DUX4: variants seen among roughly 807,000 people sequenced by gnomAD.
The protein encoded by DUX4 is double homeobox protein 4.
At chr4:190,175,874 C>T (rs1742281155), downstream of DUX4, 2 of 138,070 alleles carry the variant, frequency 1.4e-5, no homozygotes, top group African/African-American at 5.2e-5. Context: ...GTGATGAGTG[C>T]AGAGATATGT....
chr4:190,179,613 C>T (rs1579835782), downstream of DUX4, among the ~76,000 whole-genome samples: 35 of 151,294 alleles, frequency 2.3e-4, no homozygotes, highest in Admixed American at 3.3e-4. Flanking sequence ...AAAGTTACAG[C>T]ACCTGGGAGA....
downstream of DUX4, among the ~76,000 whole-genome samples, chr4:190,179,793 G>GCCGATATGTCAACATTCCTCTGTAGGC (rs1241531167): frequency 6.8e-6 from 1 of 147,262 alleles, no homozygotes; most frequent in East Asian, 2.1e-4. Flanking sequence ...GCCCCTGTAG[G>GCCGATATGTCAACATTCCTCTGTAGGC]CAAGCCTACA....
chr4:190,175,893 C>G (rs1289037449), downstream of DUX4: 1 of 130,038 alleles, frequency 7.7e-6, no homozygotes, highest in Non-Finnish European at 1.6e-5. Context: ...GTCACAATAT[C>G]CCCTGTAGAA....
chr4:190,178,441 A>AGGC (rs1742425647), downstream of DUX4, among the ~76,000 whole-genome samples: 1 of 66,158 alleles, frequency 1.5e-5, no homozygotes, highest in Non-Finnish European at 3.7e-5. Context: ...GGCAGAGCTT[A>AGGC]GACAAGAGTT....
Position 190,175,775 on chromosome 4 carries a change from A to T in DUX4, c.*365A>T, listed in dbSNP as rs1742273101. On this transcript the variant is annotated 3_prime_UTR_variant, in exon 2 of 2. Coordinates refer to ENST00000565211, the MANE Select transcript of DUX4 (RefSeq NM_001306068.3). Reference sequence around the variant, plus strand: ...TCCGACGCTGTCTAGGCAAACCTGGATTAGAGTTACATCTCCTGGATGATT... The same window carrying T: ...TCCGACGCTGTCTAGGCAAACCTGGTTTAGAGTTACATCTCCTGGATGATT... 6.5e-6 allele frequency: 1 copy of T among 152,912 alleles called. No individual in the cohort carries two copies. The highest frequency in any genetic ancestry group is 2.7e-5 in the African/African-American group (1 of 37,184). The allele number at this position is 152,912 out of a possible 1,614,324, so 9.5% of individuals were successfully genotyped here.
chr4:190,177,095 T>G, downstream of DUX4, among the ~76,000 whole-genome samples: 1 of 152,180 alleles, frequency 6.6e-6, no homozygotes, highest in African/African-American at 2.4e-5. Context: ...ATCACCTGGG[T>G]GATCAGTGCA....
chr4:190,177,187 A>AGCGCCCCTGTAGGCAGAACCTAG (rs1579832519), downstream of DUX4, among the ~76,000 whole-genome samples: 1 of 151,736 alleles, frequency 6.6e-6, no homozygotes, highest in Non-Finnish European at 1.5e-5. Context: ...GCTATGTCAA[A>AGCGCCCCTGTAGGCAGAACCTAG]ACGCCCCTGT....
At chr4:190,176,278 G>A (rs1243588131), downstream of DUX4, among the ~76,000 whole-genome samples, 3 of 112,236 alleles carry the variant, frequency 2.7e-5, no homozygotes, top group African/African-American at 7.9e-5. Flanking sequence ...TCCTGAGTGA[G>A]CATTGGAGAG....
At chr4:190,177,959 T>TATACAAC (rs1742396491), downstream of DUX4, among the ~76,000 whole-genome samples, 1 of 151,722 alleles carries the variant, frequency 6.6e-6, no homozygotes. Context: ...AGGCAGAGCC[T>TATACAAC]AGACAAGAGT....
chr4:190,183,924 T>G (rs1158157435), intron 1 of DUX4, among the ~76,000 whole-genome samples: 2 of 119,796 alleles, frequency 1.7e-5, no homozygotes, highest in Non-Finnish European at 3.9e-5. Flanking sequence ...CACTCAAGCT[T>G]AGGCAGATTT....
chr4:190,178,557 ACGCC>A (rs1579834379), downstream of DUX4, among the ~76,000 whole-genome samples: 3 of 151,442 alleles, frequency 2.0e-5, no homozygotes, highest in Admixed American at 6.6e-5. Context: ...ATATTTCACA[ACGCC>A]CCCTGTAGGC....
downstream of DUX4, among the ~76,000 whole-genome samples, chr4:190,176,926 A>C: frequency 7.7e-6 from 1 of 129,500 alleles, no homozygotes; most frequent in Admixed American, 8.9e-5. Context: ...ATCCCTGTAG[A>C]CAGAGCCTAG....
chr4:190,177,189 C>CACCCCTGTAGGCAGA (rs1742349628), downstream of DUX4, among the ~76,000 whole-genome samples: 1 of 57,980 alleles, frequency 1.7e-5, no homozygotes. Context: ...TATGTCAAAA[C>CACCCCTGTAGGCAGA]GCCCCTGTAG....
intron 1 of DUX4, chr4:190,182,060 C>G (rs1218980890): frequency 8.6e-6 from 1 of 116,576 alleles, no homozygotes; most frequent in Non-Finnish European, 2.0e-5. Context: ...AGAGCCTAGA[C>G]AAGAGTTCCA....
downstream of DUX4, among the ~76,000 whole-genome samples, chr4:190,178,430 AG>A (rs1742424330): frequency 2.7e-5 from 4 of 149,002 alleles, no homozygotes; most frequent in African/African-American, 2.4e-5. Context: ...ACGCCCCTGT[AG>A]GCAGAGCTTA....
chr4:190,177,445 G>GGAGATATCTGTAA (rs1742367689), downstream of DUX4, among the ~76,000 whole-genome samples: 2 of 151,492 alleles, frequency 1.3e-5, no homozygotes, highest in Non-Finnish European at 3.0e-5. Context: ...GGTGATCAGT[G>GGAGATATCTGTAA]CAAAGATATG....
chr4:190,178,229 GA>G (rs1742411780), downstream of DUX4, among the ~76,000 whole-genome samples: 8 of 134,810 alleles, frequency 5.9e-5, no homozygotes, highest in East Asian at 7.8e-4. Flanking sequence ...CCTGTAGGCA[GA>G]GCATAGAGAA....
chr4:190,182,387 TGGTTAGGGTTAGG>T (rs1399466646), intron 1 of DUX4, among the ~76,000 whole-genome samples: 4 of 34,398 alleles, frequency 1.2e-4, no homozygotes, highest in Admixed American at 4.6e-4. Flanking sequence ...TTAGGGTTAC[TGGTTAGGGTTAGG>T]GGTTAGGGTT....
intron 1 of DUX4, among the ~76,000 whole-genome samples, chr4:190,181,258 T>TG (rs1742558725): frequency 4.0e-5 from 6 of 150,790 alleles, no homozygotes; most frequent in Admixed American, 6.6e-5. Context: ...GTCTGTCACC[T>TG]GGGTGATCAG....
Sources: allele counts gnomAD v4.1 joint callset (sites outside exome capture counted in the v4.1 genomes callset), GRCh38; gene constraint gnomAD v4.1.1; transcripts MANE v1.5; gene names NCBI Gene and HGNC (gene_info 2026-07-23, HGNC 2026-07-21).